CNOT10: variants seen among roughly 807,000 people sequenced by gnomAD.
CNOT10 encodes CCR4-NOT transcription complex subunit 10.
In CNOT10, 30 loss-of-function variants were observed where a neutral mutation model predicts 94.6. The ratio of observed to expected loss-of-function variants is 0.32; its 90% CI spans 0.24 to 0.43. The LOEUF is 0.43. CNOT10 is among the 20% of genes least tolerant of loss of function. The pLI, the probability that CNOT10 is intolerant of heterozygous loss-of-function variation, is 1.00. For synonymous variants in CNOT10, 289 were observed against 301.6 expected (o/e 0.96, Z 0.43); for missense variants, 759 against 877.2 (o/e 0.87, Z 1.70).
chr3:32,759,330 G>A (rs763028255), intron 13 of CNOT10, 128 bp from the exon 14 acceptor site: 25 of 644,216 alleles, frequency 3.9e-5, no homozygotes, highest in East Asian at 1.0e-4. Flanking sequence ...CATTAGTACC[G>A]TGGCTTCCTC....
In CNOT10 at chr3:32,773,530, G is replaced by A; in HGVS notation, c.2154G>A (p.Val718=). The change falls in exon 19 of 19, where the codon GTG becomes GTA. Residue 718 remains valine (V), a synonymous_variant. Transcript: ENST00000328834. The part of the protein sequence containing the change: ...LLPAVKTHSE[V]RKKPVFQPVH... The stretch of plus-strand genomic sequence containing the variant: ...CTGCAGTGAAAACACACTCTGAAGT[G>A]AGAAAGAAGCCAGTGTTTCAGCCTG... 1 of 1,614,168 alleles carries A rather than the reference G, an allele frequency of 6.2e-7. No individual in the cohort carries two copies. Among genetic ancestry groups the A allele is most frequent in the Non-Finnish European group, 8.5e-7 (1 of 1,180,024 alleles).
chr3:32,685,511 A>G, intron 1 of CNOT10, 29 bp downstream of exon 1: 5 of 1,549,244 alleles, frequency 3.2e-6, no homozygotes, highest in Non-Finnish European at 4.4e-6. Flanking sequence ...GAGCGACGAG[A>G]CGGCGGGACG....
chr3:32,762,210 T>C (rs1421746347), intron 14 of CNOT10, among the ~76,000 whole-genome samples: 2 of 146,528 alleles, frequency 1.4e-5, no homozygotes, highest in Non-Finnish European at 3.0e-5. Context: ...ACGCCTGTAA[T>C]ACCAACACTT....
chr3:32,707,275 C>CTT (rs917985366), intron 3 of CNOT10, among the ~76,000 whole-genome samples: 1 of 143,352 alleles, frequency 7.0e-6, no homozygotes. Flanking sequence ...AAGTGTCATG[C>CTT]TTTTTTTTTT....
At chr3:32,749,574 C>G (rs540362258) in intron 13 of CNOT10, among the ~76,000 whole-genome samples, 1 of 151,952 alleles carries the variant, frequency 6.6e-6, no homozygotes, top group East Asian at 1.9e-4. Context: ...CCACACCTGG[C>G]TAATTTTGTA....
chr3:32,720,760 C>T (rs1196408733), intron 8 of CNOT10, among the ~76,000 whole-genome samples: 1 of 152,070 alleles, frequency 6.6e-6, no homozygotes, highest in Non-Finnish European at 1.5e-5. Flanking sequence ...GCTGGGATTA[C>T]AGGCATGCAC....
At chr3:32,737,290 G>C in intron 12 of CNOT10, 120 bp from the exon 13 acceptor site, 1 of 623,800 alleles carries the variant, frequency 1.6e-6, no homozygotes, top group Non-Finnish European at 2.8e-6. Flanking sequence ...ACTCCATCCT[G>C]AGCGACGAGC....
At chr3:32,704,479 A>G (rs1697521146) in intron 2 of CNOT10, among the ~76,000 whole-genome samples, 1 of 152,198 alleles carries the variant, frequency 6.6e-6, no homozygotes, top group Admixed American at 6.5e-5. Context: ...TTACTAGAAA[A>G]TAAAATTTGG....
At chr3:32,706,269 C>T (rs754358066) in intron 3 of CNOT10, among the ~76,000 whole-genome samples, 14 of 152,152 alleles carry the variant, frequency 9.2e-5, no homozygotes, top group Non-Finnish European at 1.9e-4. Flanking sequence ...CCTATGACCC[C>T]ATAGACAGTT....
intron 1 of CNOT10, among the ~76,000 whole-genome samples, chr3:32,700,822 GGT>G (rs774902534): frequency 6.6e-5 from 10 of 152,150 alleles, no homozygotes; most frequent in Non-Finnish European, 1.0e-4. Context: ...TTTATACAGT[GGT>G]CACATTTCCT....
intron 8 of CNOT10, among the ~76,000 whole-genome samples, chr3:32,724,407 G>A (rs1290295842): frequency 6.8e-6 from 1 of 147,346 alleles, no homozygotes; most frequent in South Asian, 2.2e-4. Flanking sequence ...CACTACGCCC[G>A]GCTAATTTTT....
intron 10 of CNOT10, among the ~76,000 whole-genome samples, chr3:32,731,621 A>C (rs1292353848): frequency 6.6e-6 from 1 of 152,056 alleles, no homozygotes; most frequent in Admixed American, 6.5e-5. Flanking sequence ...GACTATAGGC[A>C]TGCATGACCG....
chr3:32,714,420 A>T (rs1308282742), intron 5 of CNOT10, among the ~76,000 whole-genome samples: 1 of 152,018 alleles, frequency 6.6e-6, no homozygotes, highest in African/African-American at 2.4e-5. Context: ...AAAAAAAAAA[A>T]ATACATGGCT....
chr3:32,773,520 A>C lies in CNOT10; in HGVS notation c.2144A>C (p.His715Pro). The C allele has an allele frequency of 6.2e-7, 1 of 1,614,080 alleles. No individual in the cohort carries two copies. Among genetic ancestry groups the C allele is most frequent in the South Asian group, 1.1e-5 (1 of 91,072 alleles). ...CAGCTGCTCCCTGCAGTGAAAACAC[A>C]CTCTGAAGTGAGAAAGAAGCCAGTG... ...RNQLLPAVKT[H>P]SEVRKKPVFQ... Residue 715 changes from histidine to proline, a missense_variant, in exon 19 of 19, where the codon CAC (histidine) becomes CCC (proline). By Grantham distance (77) the His-to-Pro change is moderately conservative. This residue lies in a region of CNOT10 where 73 missense variants were observed against 61.0 expected (regional missense o/e 1.20). Coordinates refer to ENST00000328834, the MANE Select transcript of CNOT10 (RefSeq NM_015442.3).
rs753952593 is a variant in CNOT10 at position 32,769,625 on chromosome 3, C to T, written c.2005-262C>T. ...TGTATGTGTCTGTTGTGAAAGCCAC[C>T]AGCAGAATTGGATGGTTGACTGTAG... is the stretch of plus-strand genomic sequence containing the variant. On this transcript the variant is annotated intron_variant, in intron 17 of 18. Coordinates refer to ENST00000328834, the MANE Select transcript of CNOT10 (RefSeq NM_015442.3). 1.8e-5 allele frequency: 7 copies of T among 385,748 alleles called. No homozygotes were observed. In the East Asian group the frequency reaches 2.1e-4, roughly 12 times the overall value. The allele number at this position is 385,748 out of a possible 1,614,324, so 23.9% of individuals were successfully genotyped here.
intron 4 of CNOT10, among the ~76,000 whole-genome samples, chr3:32,709,394 A>G (rs1196449713): frequency 6.6e-6 from 1 of 152,238 alleles, no homozygotes; most frequent in African/African-American, 2.4e-5. Flanking sequence ...AAGCAGTCAA[A>G]TTCCATTTGT....
At chr3:32,733,588 G>T in intron 11 of CNOT10, 44 bp downstream of exon 11, 1 of 1,252,924 alleles carries the variant, frequency 8.0e-7, no homozygotes, top group Non-Finnish European at 1.1e-6. Context: ...TTTAATACTA[G>T]TTTACATAAT....
intron 10 of CNOT10, among the ~76,000 whole-genome samples, chr3:32,728,783 T>C (rs13064571): frequency 0.014 from 2,202 of 152,032 alleles, 35 homozygotes; most frequent in Non-Finnish European, 0.023. Flanking sequence ...GGCGTAAGAA[T>C]AGTGTGTAGC....
At chr3:32,770,628 CTG>C (rs1700863254) in intron 18 of CNOT10, among the ~76,000 whole-genome samples, 1 of 151,418 alleles carries the variant, frequency 6.6e-6, no homozygotes, top group Non-Finnish European at 1.5e-5. Flanking sequence ...CCCGGCAAGG[CTG>C]AGATTTTTAA....
Sources: gnomAD v4.1 joint callset for allele counts (sites outside exome capture counted in the v4.1 genomes callset) on GRCh38, gnomAD v4.1.1 for gene constraint, gnomAD v4.1.1 regional missense constraint, MANE v1.5 for transcripts, NCBI Gene and HGNC (gene_info 2026-07-23, HGNC 2026-07-21) for gene names.